Variants in USH2A observed in about 807,000 individuals in gnomAD.
USH2A encodes the protein Usher syndrome 2A (autosomal recessive, mild).
In USH2A, 443 loss-of-function variants were observed where a neutral mutation model predicts 538.9. That is an observed-to-expected ratio of 0.82 (90% confidence interval 0.76 to 0.89). The LOEUF (loss-of-function observed/expected upper bound fraction) is 0.89, where lower values mean the gene tolerates loss of function less well. USH2A is among the 40% of genes least tolerant of loss of function. USH2A has a pLI of 0.00. For synonymous variants in USH2A, 2,413 were observed against 2,273.5 expected, an observed-to-expected ratio of 1.06 and a Z score of -1.75; for missense variants, 6,633 against 6,324.8, an observed-to-expected ratio of 1.05 and a Z score of -1.65.
At chr1:216,250,005 G>T (rs917033435) in intron 12 of USH2A, among the ~76,000 whole-genome samples, 4 of 151,980 alleles carry the variant, frequency 2.6e-5, no homozygotes, top group Admixed American at 2.0e-4. Flanking sequence ...AAAGGCAAAG[G>T]TCTTTTTTAA....
At position 216,250,970 on chromosome 1, in the gene USH2A, C is replaced by A. The variant is rs750565581; in HGVS notation, c.2100G>T (p.Gly700=). The stretch of plus-strand genomic sequence containing the variant: ...GACAGGTAATATCTCCATCCACTGT[C>A]CCAGAGGTATTGCAGTTACAGGGAC... ...GCSPCNCNTS[G]TVDGDITCHQ... Residue 700 remains glycine (G), a synonymous_variant, in exon 12 of 72, where the codon GGG becomes GGT. Transcript: ENST00000307340. The A allele has an allele frequency of 9.3e-6, 15 of 1,613,904 alleles. No individual in the cohort carries two copies. Among genetic ancestry groups the A allele is most frequent in the African/African-American group, 1.3e-5 (1 of 74,902 alleles).
At chr1:215,993,711 G>A (rs887246748) in intron 34 of USH2A, among the ~76,000 whole-genome samples, 1 of 152,234 alleles carries the variant, frequency 6.6e-6, no homozygotes, top group East Asian at 1.9e-4. Context: ...ATAAAACAAT[G>A]TTTCTCATAA....
At chr1:216,061,588 A>G (rs1433163381) in intron 30 of USH2A, among the ~76,000 whole-genome samples, 1 of 152,182 alleles carries the variant, frequency 6.6e-6, no homozygotes, top group East Asian at 1.9e-4. Flanking sequence ...AAAAGTACAA[A>G]TGTCCAGGCC....
chr1:216,217,344 T>C (rs897083472), intron 15 of USH2A, 43 bp downstream of exon 15: 1 of 1,608,722 alleles, frequency 6.2e-7, no homozygotes. Context: ...GTCCCCTGTA[T>C]GATGCTGCTT....
intron 3 of USH2A, among the ~76,000 whole-genome samples, chr1:216,404,854 G>GCTCAACTGATTCT (rs2039366477): frequency 6.6e-6 from 1 of 151,828 alleles, no homozygotes; most frequent in Admixed American, 6.6e-5. Context: ...AAACTCCAGA[G>GCTCAACTGATTCT]CTCAACTGAT....
chr1:216,152,036 T>A (rs1223024878), intron 21 of USH2A, among the ~76,000 whole-genome samples: 1 of 151,950 alleles, frequency 6.6e-6, no homozygotes, highest in Non-Finnish European at 1.5e-5. Flanking sequence ...CCACAAGACC[T>A]CCCTTCAGCT....
intron 15 of USH2A, among the ~76,000 whole-genome samples, chr1:216,210,661 T>C (rs1036375017): frequency 6.6e-6 from 1 of 152,120 alleles, no homozygotes; most frequent in Non-Finnish European, 1.5e-5. Context: ...TAGTAACTGT[T>C]GTAGTGATGG....
chr1:215,871,122 A>G (rs1187180903), intron 43 of USH2A, among the ~76,000 whole-genome samples: 1 of 152,170 alleles, frequency 6.6e-6, no homozygotes, highest in East Asian at 1.9e-4. Flanking sequence ...GGACTATTAC[A>G]ATAGTTTTTC....
chr1:215,844,495 C>T lies in USH2A; in HGVS notation c.9057G>A (p.Glu3019=), dbSNP rs753672614. 1 of 1,607,874 alleles carries T rather than the reference C, an allele frequency of 6.2e-7. No individual in the cohort carries two copies. Among genetic ancestry groups the T allele is most frequent in the South Asian group, 1.1e-5 (1 of 91,078 alleles). The change falls in exon 46 of 72, where the codon GAG becomes GAA. Residue 3019 remains glutamate, a splice_region_variant and synonymous_variant. Coordinates refer to ENST00000307340, the MANE Select transcript of USH2A (RefSeq NM_206933.4). Reference sequence around the variant, plus strand: ...CCTCTGGAGGAAGCATGCCCTGAGGCTCTAGAATTAAAGGAAGAAACTGAA... The same window carrying T: ...CCTCTGGAGGAAGCATGCCCTGAGGTTCTAGAATTAAAGGAAGAAACTGAA... The part of the protein sequence containing the change: ...AGLHATTCDG[E]PQGMLPPEVV...
At chr1:216,282,295 C>G (rs571626434) in intron 11 of USH2A, among the ~76,000 whole-genome samples, 3 of 152,306 alleles carry the variant, frequency 2.0e-5, no homozygotes, top group East Asian at 3.9e-4. Context: ...TAAAAAGCCA[C>G]TGGCTAATCC....
At chr1:216,261,989 G>A (rs1341308160) in intron 11 of USH2A, among the ~76,000 whole-genome samples, 1 of 151,904 alleles carries the variant, frequency 6.6e-6, no homozygotes, top group African/African-American at 2.4e-5. Context: ...AAACTTCACA[G>A]AGACTACACT....
intron 27 of USH2A, 39 bp from the exon 28 acceptor site, chr1:216,073,339 T>C: frequency 6.3e-7 from 1 of 1,598,528 alleles, no homozygotes; most frequent in Non-Finnish European, 8.5e-7. Context: ...ATAAAGGGCT[T>C]GAGTCATTAA....
intron 24 of USH2A, among the ~76,000 whole-genome samples, chr1:216,086,426 T>G (rs1039401734): frequency 3.9e-5 from 6 of 152,120 alleles, no homozygotes; most frequent in African/African-American, 1.4e-4. Context: ...GAAAAAACTA[T>G]GCATAGGTCC....
Position 215,786,554 on chromosome 1 carries a change from G to A in USH2A, c.10387+116C>T, listed in dbSNP as rs1661806588. ...TAACTAGCTGGCCTCAAAGTATGAT[G>A]GAATGTACTGATATCAGTTTAAGGA... On this transcript the variant is annotated intron_variant, in intron 52 of 71. Transcript: ENST00000307340. 5 of 1,143,602 alleles carry A rather than the reference G, an allele frequency of 4.4e-6. No homozygotes were observed. The South Asian group carries it at 6.3e-5, about 14-fold the overall frequency. The allele number at this position is 1,143,602 out of a possible 1,614,324, so 70.8% of individuals were successfully genotyped here.
intron 49 of USH2A, among the ~76,000 whole-genome samples, chr1:215,803,033 A>C (rs1662385291): frequency 6.6e-6 from 1 of 152,358 alleles, no homozygotes; most frequent in Middle Eastern, 3.4e-3. Context: ...GACAAAAACC[A>C]CATGATTATG....
intron 55 of USH2A, among the ~76,000 whole-genome samples, chr1:215,775,921 G>A (rs886997789): frequency 6.6e-6 from 1 of 152,178 alleles, no homozygotes; most frequent in African/African-American, 2.4e-5. Flanking sequence ...ATGCAATGAT[G>A]AGTAATTTCT....
At chr1:215,718,123 G>GGCACA (rs1238473791) in intron 61 of USH2A, among the ~76,000 whole-genome samples, 3 of 152,088 alleles carry the variant, frequency 2.0e-5, no homozygotes, top group Non-Finnish European at 4.4e-5. Flanking sequence ...CTATTACCCA[G>GGCACA]GCACAGCACT....
chr1:216,210,255 C>CT (rs2035210744), intron 15 of USH2A, among the ~76,000 whole-genome samples: 1 of 150,660 alleles, frequency 6.6e-6, no homozygotes. Context: ...CCACTGGAGG[C>CT]TATATGAGTA....
intron 26 of USH2A, among the ~76,000 whole-genome samples, chr1:216,081,729 C>G (rs969032254): frequency 2.6e-5 from 4 of 151,964 alleles, no homozygotes; most frequent in Non-Finnish European, 5.9e-5. Flanking sequence ...GTAGCTGGAA[C>G]TAGCTACAGT....
Sources: gnomAD v4.1 joint callset for allele counts (sites outside exome capture counted in the v4.1 genomes callset) on GRCh38, gnomAD v4.1.1 for gene constraint, MANE v1.5 for transcripts, NCBI Gene and HGNC (gene_info 2026-07-23, HGNC 2026-07-21) for gene names.